TLE7: variants seen among roughly 807,000 people sequenced by gnomAD.
TLE7 encodes TLE family member 7.
chr16:71,439,960 C>T (rs916007391), intron 1 of TLE7, among the ~76,000 whole-genome samples: 4 of 152,290 alleles, frequency 2.6e-5, no homozygotes, highest in South Asian at 4.1e-4. Context: ...ACCCAAGTGT[C>T]CCCCAATTGA....
In TLE7 at chr16:71,432,256, G is replaced by C. The variant is rs1465260352; in HGVS notation, c.463C>G (p.Leu155Val). 2.5e-6 allele frequency: 1 copy of C among 400,770 alleles called. No homozygotes were observed. Among genetic ancestry groups the C allele is most frequent in the Non-Finnish European group, 4.4e-6 (1 of 226,284 alleles). The allele number at this position is 400,770 out of a possible 1,614,324, so 24.8% of individuals were successfully genotyped here. Residue 155 changes from leucine to valine, a missense_variant, in exon 5 of 10, where the codon CTC (leucine) becomes GTC (valine). By Grantham distance (32) the Leu-to-Val change is conservative. Transcript: ENST00000561754. ...GCGTAGACTCTCTTTCCATGGAAGA[G>C]TGTGCCAACCTTCCAGGAGCCCTGT... ...APQGSWKVGT[L>V]FHGKRVYAVA...
At position 71,440,049 on chromosome 16, in the gene TLE7, A is replaced by T. The variant is rs568155667; in HGVS notation, c.-97+1920T>A. ...AAAGAATGAAGCTGTGATACACACTACCACATGGGTGAACCTGAAAATATT... is the reference window on the plus strand; with the variant it reads ...AAAGAATGAAGCTGTGATACACACTTCCACATGGGTGAACCTGAAAATATT... On this transcript the variant is annotated intron_variant, in intron 1 of 9. Transcript: ENST00000561754. 2.0e-4 allele frequency among the ~76,000 whole-genome samples: 30 copies of T among 152,376 alleles called. No individual in the cohort carries two copies. The South Asian group carries it at 2.3e-3, about 12-fold the overall frequency.
chr16:71,431,234 A>C lies in TLE7; in HGVS notation c.1034T>G (p.Leu345Trp), dbSNP rs1399191915. 2.5e-6 allele frequency: 1 copy of C among 400,298 alleles called. No individual in the cohort carries two copies. Among genetic ancestry groups the C allele is most frequent in the Admixed American group, 4.4e-5 (1 of 22,716 alleles). 24.8% of individuals were successfully genotyped at this position (400,298 alleles called of 1,614,324 possible). ...GATATCACTCGTTCTCAGGCCCGCC[A>C]ATACCCATTCTTCACCGGGGTCGTG... is the stretch of plus-strand genomic sequence containing the variant. ...ITHDPGEEWV[L>W]AGLRTSDIVF... Residue 345 changes from leucine to tryptophan, a missense_variant, in exon 8 of 10, where the codon TTG becomes TGG. Transcript: ENST00000561754. This position sits in a 1 kb window ranked among gnomAD's most constrained non-coding sequence, Gnocchi z 4.5.
At chr16:71,441,574 A>G (rs1261559011) in intron 1 of TLE7, among the ~76,000 whole-genome samples, 7 of 152,156 alleles carry the variant, frequency 4.6e-5, no homozygotes, top group Non-Finnish European at 8.8e-5. Context: ...TGGCTCTTGG[A>G]TTTTCCTCCC....
In TLE7 at chr16:71,430,694, C is replaced by G; in HGVS notation, c.1195G>C (p.Ala399Pro). The G allele has an allele frequency of 2.5e-6, 1 of 398,546 alleles. No individual in the cohort carries two copies. The highest frequency in any genetic ancestry group is 4.4e-6 in the Non-Finnish European group (1 of 226,052). 24.7% of individuals were successfully genotyped at this position (398,546 alleles called of 1,614,324 possible). ...AIDTRLSGLE[A>P]PSLQKLFQIE... ...TGAAACAACTTTTGCAGAGAAGGTG[C>G]CTCCAAGCCACTGAGGCGCGTATCT... is the stretch of plus-strand genomic sequence containing the variant. Residue 399 changes from alanine (A) to proline (P), a missense_variant, in exon 9 of 10, where the codon GCA (alanine) becomes CCA (proline). Ala to Pro is a conservative substitution (Grantham distance 27, BLOSUM62 -1). Transcript: ENST00000561754.
chr16:71,434,721 A>C (rs1024384923), intron 1 of TLE7, among the ~76,000 whole-genome samples: 3 of 152,192 alleles, frequency 2.0e-5, no homozygotes, highest in Non-Finnish European at 4.4e-5. Context: ...TGGGTCCATG[A>C]TCAAACTGCT....
intron 1 of TLE7, among the ~76,000 whole-genome samples, chr16:71,434,824 C>G (rs2042820131): frequency 6.6e-6 from 1 of 152,192 alleles, no homozygotes; most frequent in East Asian, 1.9e-4. Flanking sequence ...CAATATCCGC[C>G]ATTATTACCG....
At chr16:71,439,897 T>G (rs1371399253) in intron 1 of TLE7, among the ~76,000 whole-genome samples, 1 of 152,204 alleles carries the variant, frequency 6.6e-6, no homozygotes, top group African/African-American at 2.4e-5. Flanking sequence ...CTTAAACATT[T>G]CTTGGACACC....
In TLE7 at chr16:71,433,046, T is replaced by C. The variant is rs2042813402; in HGVS notation, c.279A>G (p.Ala93=). ...SELQAAGLPD[A]QPGEAAESSP... The stretch of plus-strand genomic sequence containing the variant: ...TGGACTCTGCTGCTTCTCCTGGTTG[T>C]GCATCAGGGAGCCCAGCGGCCTGGA... The change falls in exon 2 of 10, where the codon GCA becomes GCG. Residue 93 remains alanine (A), a synonymous_variant. Transcript: ENST00000561754. 5.0e-6 allele frequency: 2 copies of C among 398,758 alleles called. No homozygotes were observed. Among genetic ancestry groups the C allele is most frequent in the East Asian group, 7.1e-5 (2 of 28,080 alleles). 24.7% of individuals were successfully genotyped at this position (398,758 alleles called of 1,614,324 possible).
chr16:71,436,396 C>T (rs1345802814), intron 1 of TLE7, among the ~76,000 whole-genome samples: 1 of 152,148 alleles, frequency 6.6e-6, no homozygotes, highest in African/African-American at 2.4e-5. Flanking sequence ...AATCACCAGA[C>T]GTGGCCACAC....
rs1398322368 is a variant in TLE7 at position 71,430,577 on chromosome 16, G to A, written c.1221+91C>T. The stretch of plus-strand genomic sequence containing the variant: ...TGGCCCTGGCTGCCATCTCAGAGGT[G>A]TTTTCCAACACCCACTGGAATCCAA... On this transcript the variant is annotated intron_variant, in intron 9 of 9. Transcript: ENST00000561754. The A allele has an allele frequency of 1.2e-4, 48 of 397,750 alleles. No homozygotes were observed. The East Asian group carries it at 1.7e-3, about 14-fold the overall frequency. 24.6% of individuals were successfully genotyped at this position (397,750 alleles called of 1,614,324 possible). A position where few individuals can be genotyped will look rare whatever the true frequency, so the allele number is the denominator to read the frequency against.
rs1237800218 is a variant in TLE7, at chr16:71,431,337, C to T, written c.994-63G>A. ...TTGCCAACGCCATCCTTTGTGCCCA[C>T]CTCTCAAGCTCACACTCCCACCCCT... On this transcript the variant is annotated intron_variant, in intron 7 of 9. Transcript: ENST00000561754. This position sits in a 1 kb window ranked among gnomAD's most constrained non-coding sequence, Gnocchi z 4.5. The T allele has an allele frequency of 5.0e-6, 2 of 399,230 alleles. No homozygotes were observed. Among genetic ancestry groups the T allele is most frequent in the Non-Finnish European group, 8.8e-6 (2 of 226,284 alleles). The allele number at this position is 399,230 out of a possible 1,614,324, so 24.7% of individuals were successfully genotyped here.
At chr16:71,432,403 G>A (rs2042809023) in intron 4 of TLE7, 78 bp from the exon 5 acceptor site, 1 of 393,988 alleles carries the variant, frequency 2.5e-6, no homozygotes, top group Non-Finnish European at 4.4e-6. Flanking sequence ...CTTCCAGCTA[G>A]ATTCTTAACC....
At chr16:71,436,093 T>C (rs1354818416) in intron 1 of TLE7, among the ~76,000 whole-genome samples, 1 of 151,864 alleles carries the variant, frequency 6.6e-6, no homozygotes, top group African/African-American at 2.4e-5. Flanking sequence ...ACCAGACAAC[T>C]CTCTTTCCAA....
At chr16:71,430,430 G>T (rs2042797105) in intron 9 of TLE7, 64 bp from the exon 10 acceptor site, 2 of 398,680 alleles carry the variant, frequency 5.0e-6, no homozygotes, top group South Asian at 2.6e-4. Flanking sequence ...GCTTCATTTA[G>T]GGCTGTTTCA....
chr16:71,435,644 G>A (rs1235566474), intron 1 of TLE7, among the ~76,000 whole-genome samples: 1 of 152,172 alleles, frequency 6.6e-6, no homozygotes, highest in African/African-American at 2.4e-5. Context: ...AAGAAGAATG[G>A]GAGGGAGATT....
chr16:71,435,008 C>T (rs77609956), intron 1 of TLE7, among the ~76,000 whole-genome samples: 2,387 of 152,348 alleles, frequency 0.016, 56 homozygotes, highest in African/African-American at 0.055. Context: ...CACTGCATTC[C>T]AGCCTGGGAT....
chr16:71,430,765 G>C (rs572476893), intron 8 of TLE7, 24 bp from the exon 9 acceptor site: 3 of 398,466 alleles, frequency 7.5e-6, no homozygotes, highest in Admixed American at 4.4e-5. Context: ...GAACAGGTGA[G>C]AGGCCAGAGA....
chr16:71,441,941 G>A (rs1409446993), intron 1 of TLE7, 28 bp downstream of exon 1: 1 of 152,314 alleles, frequency 6.6e-6, no homozygotes, highest in Non-Finnish European at 1.5e-5. Context: ...GCAGACGCGC[G>A]GGGATCCACG....
Sources: allele counts gnomAD v4.1 joint callset (sites outside exome capture counted in the v4.1 genomes callset), GRCh38; gene constraint gnomAD v4.1.1; non-coding constraint Gnocchi (gnomAD v3.1); transcripts MANE v1.5; gene names NCBI Gene and HGNC (gene_info 2026-07-23, HGNC 2026-07-21).